SASH1: variants seen among roughly 807,000 people sequenced by gnomAD.
SASH1 encodes SAM and SH3 domain-containing protein 1.
SASH1 carries 44 observed loss-of-function variants against 125.2 expected under a neutral mutation model. The ratio of observed to expected loss-of-function variants is 0.35; its 90% CI spans 0.28 to 0.45. The LOEUF is 0.45. Ranked by LOEUF, SASH1 falls within the 20% of genes least tolerant of loss-of-function variation. The probability of loss-of-function intolerance (pLI) is 1.00; values close to 1 mark genes in which losing one functional copy is unlikely to be tolerated. For missense variants in SASH1, 1,426 were observed against 1,614.5 expected (o/e 0.88, Z 2.00); for synonymous variants, 639 against 649.1 (o/e 0.98, Z 0.24).
chr6:148,252,635 C>A, the SASH1 span, among the ~76,000 whole-genome samples: 3 of 152,040 alleles, frequency 2.0e-5, no homozygotes, highest in East Asian at 5.8e-4. Context: ...CTTGCCACCA[C>A]GCCTGGCTAT....
chr6:148,440,078 C>G, intron 2 of SASH1, 106 bp from the exon 3 acceptor site: 1 of 1,051,522 alleles, frequency 9.5e-7, no homozygotes, highest in Non-Finnish European at 1.5e-6. Flanking sequence ...CCACTCTATA[C>G]CCCAACCTTT....
chr6:148,259,089 A>G, the SASH1 span, among the ~76,000 whole-genome samples: 5 of 152,322 alleles, frequency 3.3e-5, no homozygotes, highest in South Asian at 1.0e-3. Flanking sequence ...CCATGTCTAT[A>G]TTATGACTGG....
At position 148,356,290 on chromosome 6, in the gene SASH1, G is replaced by T. The variant is rs958153840; in HGVS notation, c.156+13067G>T. On this transcript the variant is annotated intron_variant, in intron 1 of 19. Transcript: ENST00000367467. The stretch of plus-strand genomic sequence containing the variant: ...AGTAGAGACAGAGTTTCACCATGTT[G>T]GCCAGGCTGGTCTCGAACTCCTGAC... Among the ~76,000 whole-genome samples, 20 of 151,512 alleles carry T rather than the reference G, an allele frequency of 1.3e-4. 1 individual carries two copies. Among genetic ancestry groups the T allele is most frequent in the Non-Finnish European group, 1.2e-4 (8 of 67,926 alleles).
chr6:148,283,837 A>G (rs1347208837), intron 1 of SASH1, among the ~76,000 whole-genome samples: 1 of 152,142 alleles, frequency 6.6e-6, no homozygotes, highest in African/African-American at 2.4e-5. Context: ...AAGCCAGTGA[A>G]GAGCTTTCCT....
rs117003490 is a variant in SASH1 at position 148,401,166 on chromosome 6, A to G, written c.285+10904A>G. 5.9e-5 allele frequency among the ~76,000 whole-genome samples: 9 copies of G among 151,664 alleles called. No homozygotes were observed. In the East Asian group the frequency reaches 1.8e-3, roughly 30 times the overall value. On this transcript the variant is annotated intron_variant, in intron 2 of 19. Coordinates refer to ENST00000367467, the MANE Select transcript of SASH1 (RefSeq NM_015278.5). ...CTACTTCGGAGGTTAAGGTGGGAGGATGGCTTGAGCTTAGGAGGCAGAGGT... is the reference window on the plus strand; with the variant it reads ...CTACTTCGGAGGTTAAGGTGGGAGGGTGGCTTGAGCTTAGGAGGCAGAGGT...
intron 4 of SASH1, among the ~76,000 whole-genome samples, chr6:148,444,126 C>G (rs889913513): frequency 1.3e-5 from 2 of 152,208 alleles, no homozygotes; most frequent in African/African-American, 4.8e-5. Context: ...AGCACTGCTC[C>G]TGCGACTCCT....
chr6:148,193,835 A>G, the SASH1 span, among the ~76,000 whole-genome samples: 10 of 152,282 alleles, frequency 6.6e-5, no homozygotes, highest in African/African-American at 1.9e-4. Context: ...TTCTAATTCT[A>G]TTGATGAAGA....
chr6:148,486,608 A>G (rs1778855436), intron 7 of SASH1, among the ~76,000 whole-genome samples: 1 of 149,410 alleles, frequency 6.7e-6, no homozygotes. Flanking sequence ...CAAGACAAAC[A>G]TGTGATTGTT....
In SASH1 at chr6:148,277,288, C is replaced by T. The variant is rs558564798; in HGVS notation, n.74+4911C>T. Among the ~76,000 whole-genome samples the T allele has an allele frequency of 2.6e-5, 4 of 152,360 alleles. No individual in the cohort carries two copies. In the East Asian group the frequency reaches 7.7e-4, roughly 29 times the overall value. On this transcript the variant is annotated intron_variant and non_coding_transcript_variant, in intron 1 of 3. Coordinates refer to the SASH1 transcript ENST00000367469. ...GCACAGTAAAGTCCAGCCTGTTGGA[C>T]ATTCCCACTGATATACTTTCCAAAA...
chr6:148,249,914 CATCTG>C, the SASH1 span, among the ~76,000 whole-genome samples: 1 of 152,184 alleles, frequency 6.6e-6, no homozygotes, highest in South Asian at 2.1e-4. Context: ...TTCATTCTCT[CATCTG>C]ATCCTCGAAG....
intron 1 of SASH1, among the ~76,000 whole-genome samples, chr6:148,291,351 G>A (rs1454829180): frequency 6.6e-6 from 1 of 152,106 alleles, no homozygotes; most frequent in Non-Finnish European, 1.5e-5. Context: ...CAATTATTAT[G>A]TGTCAATTTA....
upstream of SASH1, among the ~76,000 whole-genome samples, chr6:148,267,365 T>TTGTG (rs200228547): frequency 0.016 from 2,125 of 130,088 alleles, 35 homozygotes; most frequent in Middle Eastern, 0.034. Context: ...CAGTACTACT[T>TTGTG]TGTGTGTGTG....
intron 1 of SASH1, among the ~76,000 whole-genome samples, chr6:148,351,669 T>TA (rs11414134): frequency 6.9e-6 from 1 of 145,928 alleles, no homozygotes; most frequent in Admixed American, 7.0e-5. Flanking sequence ...TTTTTTTTTT[T>TA]AACTGCCCTT....
At chr6:148,441,375 G>T (rs536510253) in intron 4 of SASH1, among the ~76,000 whole-genome samples, 74 of 152,300 alleles carry the variant, frequency 4.9e-4, no homozygotes, top group Non-Finnish European at 9.6e-4. Context: ...AACTTAAGAG[G>T]CTTTGTGGGT....
chr6:148,258,219 A>G, the SASH1 span, among the ~76,000 whole-genome samples: 1 of 152,096 alleles, frequency 6.6e-6, no homozygotes, highest in African/African-American at 2.4e-5. Flanking sequence ...CTTTCCATTT[A>G]TTATGTGTTA....
chr6:148,270,397 G>A (rs1040803685), upstream of SASH1, among the ~76,000 whole-genome samples: 2 of 151,750 alleles, frequency 1.3e-5, no homozygotes, highest in African/African-American at 4.8e-5. Context: ...TTTTTGTATT[G>A]AACTGATCCT....
At chr6:148,194,819 T>C in the SASH1 span, among the ~76,000 whole-genome samples, 1 of 152,214 alleles carries the variant, frequency 6.6e-6, no homozygotes, top group South Asian at 2.1e-4. Context: ...GGCAGGAAAA[T>C]GGCGTGAACC....
chr6:148,341,009 C>G (rs35073940), upstream of SASH1, among the ~76,000 whole-genome samples: 3,149 of 152,184 alleles, frequency 0.021, 284 homozygotes, highest in East Asian at 0.26. Flanking sequence ...CAGCGGTGTG[C>G]CTGTAGTCCC....
chr6:148,477,855 C>T (rs1459688951), intron 7 of SASH1, among the ~76,000 whole-genome samples: 1 of 151,898 alleles, frequency 6.6e-6, no homozygotes, highest in Non-Finnish European at 1.5e-5. Context: ...CACCACCATG[C>T]CTGGCTAATT....
Sources: gnomAD v4.1 joint callset for allele counts (sites outside exome capture counted in the v4.1 genomes callset) on GRCh38, gnomAD v4.1.1 for gene constraint, MANE v1.5 for transcripts, NCBI Gene and HGNC (gene_info 2026-07-23, HGNC 2026-07-21) for gene names.